The following TXNDC8 variants were observed in gnomAD, a reference collection of about 807,000 sequenced individuals.
TXNDC8 encodes the protein thioredoxin domain-containing protein 8.
A neutral mutation model predicts 12.9 loss-of-function variants in TXNDC8; 15 were observed. That is an observed-to-expected ratio of 1.16 (90% CI 0.78 to 1.79). The LOEUF (loss-of-function observed/expected upper bound fraction) is 1.79, where lower values mean the gene tolerates loss of function less well. Ranked by LOEUF, TXNDC8 falls within the 40% of genes most tolerant of loss-of-function variation. The pLI, the probability that TXNDC8 is intolerant of heterozygous loss-of-function variation, is 0.00. For missense variants in TXNDC8, 128 were observed against 113.2 expected (o/e 1.13, Z -0.59); for synonymous variants, 40 against 35.4 (o/e 1.13, Z -0.46).
intron 3 of TXNDC8, chr9:110,323,780 T>G: frequency 6.9e-7 from 1 of 1,452,008 alleles, no homozygotes; most frequent in Non-Finnish European, 9.2e-7. Context: ...GTGTGGTAGA[T>G]TCGTTTTCAG....
intron 2 of TXNDC8, among the ~76,000 whole-genome samples, chr9:110,333,091 G>A (rs953157604): frequency 4.6e-5 from 7 of 152,270 alleles, no homozygotes; most frequent in African/African-American, 1.4e-4. Flanking sequence ...AGGAGTAAAT[G>A]AGTTGTTTAA....
chr9:110,318,355 C>T (rs1838960313), intron 3 of TXNDC8, among the ~76,000 whole-genome samples: 2 of 152,088 alleles, frequency 1.3e-5, no homozygotes, highest in South Asian at 2.1e-4. Flanking sequence ...TCTTGTAAGT[C>T]CTTCTGGTGA....
chr9:110,322,596 CA>C, intron 3 of TXNDC8: 1 of 985,424 alleles, frequency 1.0e-6, no homozygotes, highest in Non-Finnish European at 1.2e-6. Context: ...AGCATAGACA[CA>C]AAATCAGTTG....
At chr9:110,319,627 G>A (rs994643045) in intron 3 of TXNDC8, among the ~76,000 whole-genome samples, 2 of 152,198 alleles carry the variant, frequency 1.3e-5, no homozygotes, top group Non-Finnish European at 2.9e-5. Flanking sequence ...TACTGAAGAT[G>A]CTCTTTTGGG....
intron 3 of TXNDC8, among the ~76,000 whole-genome samples, chr9:110,319,787 A>T (rs926287748): frequency 1.3e-5 from 2 of 152,148 alleles, no homozygotes; most frequent in Non-Finnish European, 2.9e-5. Flanking sequence ...CCTTGCTTCC[A>T]ATCTTGTCCT....
At chr9:110,320,187 ACAC>A (rs979330454) in intron 3 of TXNDC8, among the ~76,000 whole-genome samples, 3 of 152,214 alleles carry the variant, frequency 2.0e-5, no homozygotes, top group African/African-American at 7.2e-5. Context: ...CCATAGACAT[ACAC>A]CAACCATGAG....
chr9:110,304,440 A>C (rs541459181), intron 4 of TXNDC8, 27 bp downstream of exon 5: 2 of 1,590,652 alleles, frequency 1.3e-6, no homozygotes, highest in African/African-American at 2.7e-5. Flanking sequence ...CAGATTTCTA[A>C]CTCTAACTTG....
At chr9:110,312,331 G>A (rs1838721778) in intron 3 of TXNDC8, among the ~76,000 whole-genome samples, 1 of 152,214 alleles carries the variant, frequency 6.6e-6, no homozygotes, top group Non-Finnish European at 1.5e-5. Context: ...GACACAATTG[G>A]AGAAACCGGT....
intron 3 of TXNDC8, chr9:110,322,774 C>T: frequency 1.0e-6 from 1 of 985,504 alleles, no homozygotes; most frequent in Non-Finnish European, 1.2e-6. Context: ...GGAGGAGAGG[C>T]TGAGCTGGCA....
At chr9:110,332,521 A>G (rs1200438915) in intron 2 of TXNDC8, among the ~76,000 whole-genome samples, 1 of 152,242 alleles carries the variant, frequency 6.6e-6, no homozygotes, top group Non-Finnish European at 1.5e-5. Context: ...GATTAAAAAA[A>G]GTAGAAATGT....
intron 3 of TXNDC8, among the ~76,000 whole-genome samples, chr9:110,316,185 A>C (rs1426006477): frequency 1.3e-5 from 2 of 150,214 alleles, no homozygotes; most frequent in East Asian, 2.0e-4. Flanking sequence ...CAAAGTGCTG[A>C]GATTACAGGT....
intron 3 of TXNDC8, chr9:110,322,911 A>G (rs1339666950): frequency 3.0e-6 from 3 of 985,452 alleles, no homozygotes; most frequent in Non-Finnish European, 3.6e-6. Flanking sequence ...CAAATCAGAC[A>G]TGACCTCCTT....
intron 3 of TXNDC8, among the ~76,000 whole-genome samples, chr9:110,308,505 C>T (rs1838544441): frequency 6.6e-6 from 1 of 151,704 alleles, no homozygotes; most frequent in Non-Finnish European, 1.5e-5. Context: ...TTTCTTTCTC[C>T]CATCAGATTT....
intron 2 of TXNDC8, among the ~76,000 whole-genome samples, chr9:110,327,639 C>T (rs1839385347): frequency 6.6e-6 from 1 of 152,058 alleles, no homozygotes; most frequent in Non-Finnish European, 1.5e-5. Flanking sequence ...CTGATACATT[C>T]TATAATATGA....
At chr9:110,317,470 C>T (rs918108607) in intron 3 of TXNDC8, among the ~76,000 whole-genome samples, 1 of 152,220 alleles carries the variant, frequency 6.6e-6, no homozygotes, top group African/African-American at 2.4e-5. Flanking sequence ...CAGGTATGCT[C>T]TCTTCCCACT....
At position 110,334,317 on chromosome 9, in the gene TXNDC8, C is replaced by T. The variant is rs1839666286; in HGVS notation, c.28G>A (p.Glu10Lys). The stretch of plus-strand genomic sequence containing the variant: ...GCAGCTGTCAAAAATGTTTTAAATT[C>T]ATTCTGAAAACAGAAAATAAATGAG... Residue 10 changes from glutamate (E) to lysine (K), a missense_variant, in exon 2 of 5, where the codon GAA (glutamate) becomes AAA (lysine). Glu to Lys is a moderately conservative substitution (Grantham distance 56). Transcript: ENST00000423740. 6.2e-7 allele frequency: 1 copy of T among 1,611,278 alleles called. No individual in the cohort carries two copies. Among genetic ancestry groups the T allele is most frequent in the Non-Finnish European group, 8.5e-7 (1 of 1,177,816 alleles).
intron 3 of TXNDC8, among the ~76,000 whole-genome samples, chr9:110,314,403 TTTTTTTTC>T (rs1210322523): frequency 4.7e-5 from 7 of 149,696 alleles, no homozygotes; most frequent in Non-Finnish European, 1.0e-4. Flanking sequence ...TTAAACTTTC[TTTTTTTTC>T]TTTTTTTCTT....
intron 3 of TXNDC8, among the ~76,000 whole-genome samples, chr9:110,307,279 C>G (rs890281630): frequency 6.6e-6 from 1 of 151,956 alleles, no homozygotes; most frequent in African/African-American, 2.4e-5. Context: ...TAATCTAGTA[C>G]CTTACACAGA....
intron 2 of TXNDC8, among the ~76,000 whole-genome samples, chr9:110,332,733 A>T (rs1240679540): frequency 6.6e-6 from 1 of 152,354 alleles, no homozygotes; most frequent in Admixed American, 6.5e-5. Flanking sequence ...GTTATGTAGG[A>T]TATTACAGAA....
Sources: gnomAD v4.1 joint callset for allele counts (sites outside exome capture counted in the v4.1 genomes callset) on GRCh38, gnomAD v4.1.1 for gene constraint, MANE v1.5 for transcripts, NCBI Gene and HGNC (gene_info 2026-07-23, HGNC 2026-07-21) for gene names.